Variants in STAU2 observed in about 807,000 individuals in gnomAD.
The protein encoded by STAU2 is staufen double-stranded RNA binding protein 2, also known as double-stranded RNA-binding protein Staufen homolog 2.
A neutral mutation model predicts 65.9 loss-of-function variants in STAU2; 20 were observed. The observed-to-expected ratio is 0.30, with a 90% confidence interval of 0.21 to 0.44. The LOEUF (loss-of-function observed/expected upper bound fraction) is 0.44. Ranked by LOEUF, STAU2 falls within the 20% of genes least tolerant of loss-of-function variation. The pLI is 1.00. For synonymous variants in STAU2, 232 were observed against 233.9 expected, an observed-to-expected ratio of 0.99 and a Z score of 0.07; for missense variants, 558 against 683.9, an observed-to-expected ratio of 0.82 and a Z score of 2.05.
At chr8:73,567,249 T>G (rs904617690) in intron 12 of STAU2, among the ~76,000 whole-genome samples, 1 of 152,168 alleles carries the variant, frequency 6.6e-6, no homozygotes, top group Non-Finnish European at 1.5e-5. Context: ...GGTTCACGCT[T>G]GTAATCCCAG....
At chr8:73,465,305 C>T (rs537847033) in intron 13 of STAU2, among the ~76,000 whole-genome samples, 2 of 152,284 alleles carry the variant, frequency 1.3e-5, no homozygotes, top group African/African-American at 2.4e-5. Context: ...GCAATAATAT[C>T]GTAGTAAGTA....
intron 12 of STAU2, among the ~76,000 whole-genome samples, chr8:73,564,112 C>T (rs906279603): frequency 2.0e-5 from 3 of 152,134 alleles, no homozygotes; most frequent in Non-Finnish European, 4.4e-5. Context: ...ACAACTTCTC[C>T]CTTGGGGTAA....
intron 13 of STAU2, among the ~76,000 whole-genome samples, chr8:73,449,486 T>C (rs567321182): frequency 1.3e-5 from 2 of 152,320 alleles, no homozygotes; most frequent in East Asian, 3.9e-4. Flanking sequence ...AGCCACATTC[T>C]GAGGTACTGG....
intron 10 of STAU2, among the ~76,000 whole-genome samples, chr8:73,602,728 C>CA (rs59554010): frequency 0.16 from 13,053 of 82,952 alleles, 706 homozygotes; most frequent in Middle Eastern, 0.26. Flanking sequence ...GTTGCCCCAC[C>CA]AAAAAAAAAA....
At chr8:73,671,378 T>TA (rs1225225725) in intron 6 of STAU2, among the ~76,000 whole-genome samples, 1 of 147,040 alleles carries the variant, frequency 6.8e-6, no homozygotes, top group Non-Finnish European at 1.5e-5. Context: ...AGACTTCATC[T>TA]AAAAAACAAA....
At position 73,733,077 on chromosome 8, in the gene STAU2, C is replaced by T. The variant is rs546618762; in HGVS notation, c.-18+5207G>A. On this transcript the variant is annotated intron_variant, in intron 3 of 14. Coordinates refer to ENST00000524300, the MANE Select transcript of STAU2 (RefSeq NM_001164380.2). ...TTAATAACACCTGGCTCCCTCTTGC[C>T]CTACACGGTTCTGCTACTCCTTCGA... Among the ~76,000 whole-genome samples the T allele has an allele frequency of 2.9e-4, 43 of 149,658 alleles. No individual in the cohort carries two copies. The South Asian group carries it at 8.8e-3, about 30-fold the overall frequency.
In STAU2 at chr8:73,527,116, A is replaced by G. The variant is rs76678300; in HGVS notation, c.1530+24896T>C. ...TGCATTACAATTGCCTATGGTATTC[A>G]GCAAAGTAACATGCTGTACACGTTT... On this transcript the variant is annotated intron_variant, in intron 13 of 14. Transcript: ENST00000524300. 5.7e-3 allele frequency among the ~76,000 whole-genome samples: 871 copies of G among 152,346 alleles called. 9 individuals are homozygous for G. Among genetic ancestry groups the G allele is most frequent in the African/African-American group, 0.02 (821 of 41,578 alleles).
At chr8:73,558,133 T>C (rs1807927228) in intron 12 of STAU2, among the ~76,000 whole-genome samples, 1 of 152,196 alleles carries the variant, frequency 6.6e-6, no homozygotes. Context: ...TTACCTTAAA[T>C]AGCCTCCTAA....
intron 6 of STAU2, among the ~76,000 whole-genome samples, chr8:73,621,538 G>C (rs1460551048): frequency 6.6e-6 from 1 of 152,156 alleles, no homozygotes; most frequent in African/African-American, 2.4e-5. Context: ...ATTCTTGAAT[G>C]ATTTTTCTCA....
chr8:73,513,640 C>T (rs1246893529), intron 13 of STAU2, among the ~76,000 whole-genome samples: 1 of 152,134 alleles, frequency 6.6e-6, no homozygotes, highest in African/African-American at 2.4e-5. Flanking sequence ...GTGCCATTTT[C>T]CCAAATCTCC....
intron 13 of STAU2, among the ~76,000 whole-genome samples, chr8:73,506,624 C>G (rs1822083575): frequency 6.6e-6 from 1 of 152,090 alleles, no homozygotes; most frequent in Admixed American, 6.5e-5. Context: ...GCTGACTGAT[C>G]AGGGTGGTGG....
At chr8:73,685,064 T>C (rs530417968) in intron 5 of STAU2, among the ~76,000 whole-genome samples, 62 of 152,274 alleles carry the variant, frequency 4.1e-4, no homozygotes, top group African/African-American at 1.5e-3. Flanking sequence ...TCTCACAAGA[T>C]CTGATAGTTT....
At chr8:73,494,812 T>C (rs1465235923) in intron 13 of STAU2, among the ~76,000 whole-genome samples, 1 of 151,740 alleles carries the variant, frequency 6.6e-6, no homozygotes, top group Non-Finnish European at 1.5e-5. Flanking sequence ...AAAACTTTTA[T>C]GAAATATTAT....
intron 13 of STAU2, chr8:73,551,549 T>A: frequency 2.0e-6 from 2 of 987,782 alleles, no homozygotes; most frequent in Non-Finnish European, 2.4e-6. Context: ...TGTACCTGAA[T>A]CAATACTAGC....
intron 5 of STAU2, among the ~76,000 whole-genome samples, chr8:73,686,661 C>T (rs956110851): frequency 2.0e-5 from 3 of 150,508 alleles, no homozygotes; most frequent in African/African-American, 7.3e-5. Flanking sequence ...ATGGGTGCAA[C>T]AAAATCTCAG....
chr8:73,697,414 A>C (rs1244608274), intron 4 of STAU2: 1 of 152,250 alleles, frequency 6.6e-6, no homozygotes, highest in East Asian at 1.9e-4. Context: ...GACTTGTTCT[A>C]CAAGAAATCC....
chr8:73,613,591 T>C (rs1386287319), intron 9 of STAU2, among the ~76,000 whole-genome samples, 153 bp downstream of exon 9: 1 of 152,266 alleles, frequency 6.6e-6, no homozygotes, highest in Admixed American at 6.5e-5. Context: ...CAAAATAGAA[T>C]TGTCATTAAT....
At chr8:73,535,766 T>C (rs1563407602) in intron 13 of STAU2, among the ~76,000 whole-genome samples, 1 of 152,194 alleles carries the variant, frequency 6.6e-6, no homozygotes, top group Non-Finnish European at 1.5e-5. Flanking sequence ...AGAAAAATTA[T>C]TTTCAACATT....
chr8:73,693,015 T>A (rs59162309), intron 4 of STAU2, among the ~76,000 whole-genome samples: 7 of 151,354 alleles, frequency 4.6e-5, no homozygotes, highest in Non-Finnish European at 1.0e-4. Context: ...TAAAAAATTA[T>A]CCAGGCATGG....
Sources: allele counts gnomAD v4.1 joint callset (sites outside exome capture counted in the v4.1 genomes callset), GRCh38; gene constraint gnomAD v4.1.1; transcripts MANE v1.5; gene names NCBI Gene and HGNC (gene_info 2026-07-23, HGNC 2026-07-21).